The following CBLB variants were observed in gnomAD, a reference collection of about 807,000 sequenced individuals.
CBLB encodes the protein Cbl proto-oncogene B, also known as E3 ubiquitin-protein ligase CBL-B.
In CBLB, 31 loss-of-function variants were observed where a neutral mutation model predicts 104.9. That is an observed-to-expected ratio of 0.30 (90% CI 0.22 to 0.40). The LOEUF is 0.40. Ranked by LOEUF, CBLB falls within the 10% of genes least tolerant of loss-of-function variation. The pLI, the probability that CBLB is intolerant of heterozygous loss-of-function variation, is 1.00. For synonymous variants in CBLB, 440 were observed against 422.6 expected (o/e 1.04, Z -0.51); for missense variants, 1,062 against 1,214.6 (o/e 0.87, Z 1.87).
At chr3:105,758,857 G>C (rs2077325252) in intron 4 of CBLB, among the ~76,000 whole-genome samples, 1 of 152,224 alleles carries the variant, frequency 6.6e-6, no homozygotes, top group African/African-American at 2.4e-5. Context: ...CTCCCAAATG[G>C]GGCTTCACAG....
intron 18 of CBLB, among the ~76,000 whole-genome samples, chr3:105,665,432 TATATATATATACAC>T (rs375273427): frequency 0.058 from 7,526 of 129,554 alleles, 425 homozygotes; most frequent in Admixed American, 0.15. Context: ...TATATATATA[TATATATATATACAC>T]ACACACACAC....
rs145259495 is a variant in CBLB at position 105,795,623 on chromosome 3, G to A, written c.420-19081C>T. Among the ~76,000 whole-genome samples the A allele has an allele frequency of 1.9e-3, 286 of 152,246 alleles. 2 individuals carry two copies. In the Middle Eastern group the frequency reaches 0.031, roughly 16 times the overall value. On this transcript the variant is annotated intron_variant, in intron 3 of 18. Coordinates refer to ENST00000394030, the MANE Select transcript of CBLB (RefSeq NM_170662.5). ...CCTCTACTTTCTGTCAAAACTTGTC[G>A]CCCAAAGCTCAATGTGAAATAGCCG...
chr3:105,779,742 TATC>T (rs2079935706), intron 3 of CBLB, among the ~76,000 whole-genome samples: 2 of 152,310 alleles, frequency 1.3e-5, no homozygotes, highest in South Asian at 4.1e-4. Context: ...TTAAATTTGT[TATC>T]ATAGAAAATA....
chr3:105,761,795 G>A (rs1245326474), intron 4 of CBLB, among the ~76,000 whole-genome samples: 1 of 152,206 alleles, frequency 6.6e-6, no homozygotes, highest in Admixed American at 6.5e-5. Flanking sequence ...CTGGATAACA[G>A]GGAGAGGTTG....
chr3:105,701,943 G>A, intron 12 of CBLB, 151 bp downstream of exon 12: 1 of 820,302 alleles, frequency 1.2e-6, no homozygotes, highest in South Asian at 1.6e-5. Context: ...GTTTTAATGA[G>A]CTTCTGATTA....
At chr3:105,684,344 CA>C (rs2066723410) in intron 14 of CBLB, among the ~76,000 whole-genome samples, 1 of 152,120 alleles carries the variant, frequency 6.6e-6, no homozygotes, top group African/African-American at 2.4e-5. Context: ...CAAACAAACC[CA>C]GAAATAATAG....
At chr3:105,670,127 G>T in intron 18 of CBLB, 106 bp downstream of exon 18, 1 of 1,003,858 alleles carries the variant, frequency 1.0e-6, no homozygotes, top group Non-Finnish European at 1.5e-6. Context: ...ACTTTCTTGG[G>T]TGGACAACAT....
chr3:105,751,513 G>C lies in CBLB; in HGVS notation c.672C>G (p.Cys224Trp). Residue 224 changes from cysteine (C) to tryptophan (W), a missense_variant, in exon 5 of 19, where the codon TGC (cysteine) becomes TGG (tryptophan). Cys to Trp is a radical substitution (Grantham distance 215). Coordinates refer to ENST00000394030, the MANE Select transcript of CBLB (RefSeq NM_170662.5). ...MALKSTIDLT[C>W]NDYISVFEFD... ...ATTCAAAAACTGAAATGTAATCATT[G>C]CAAGTTAAATCAATTGTTGATTTTA... 1 of 1,610,602 alleles carries C rather than the reference G, an allele frequency of 6.2e-7. No individual in the cohort carries two copies. The highest frequency in any genetic ancestry group is 8.5e-7 in the Non-Finnish European group (1 of 1,176,996).
intron 12 of CBLB, among the ~76,000 whole-genome samples, chr3:105,698,436 A>G (rs1244457024): frequency 6.6e-6 from 1 of 152,034 alleles, no homozygotes; most frequent in Non-Finnish European, 1.5e-5. Context: ...TTGACAGGGT[A>G]TTGACTTTTA....
intron 8 of CBLB, 141 bp from the exon 9 acceptor site, chr3:105,734,281 T>C (rs990411522): frequency 4.9e-6 from 4 of 817,126 alleles, no homozygotes; most frequent in African/African-American, 1.7e-5. Flanking sequence ...ATTTGAGACA[T>C]GTTTTGAATT....
At position 105,708,706 on chromosome 3, in the gene CBLB, G is replaced by T. The variant is rs74463604; in HGVS notation, c.1408-4533C>A. Among the ~76,000 whole-genome samples, 940 of 151,980 alleles carry T rather than the reference G, an allele frequency of 6.2e-3. 31 individuals carry two copies. The highest frequency in any genetic ancestry group is 0.051 in the East Asian group (262 of 5,182). On this transcript the variant is annotated intron_variant, in intron 10 of 18. Transcript: ENST00000394030. ...TTGAAAATGTCACCACCTATTGGTG[G>T]TGTTATCTGTAGATTAAAGAATAAA...
chr3:105,771,206 G>C lies in CBLB; in HGVS notation c.566+5190C>G, dbSNP rs571402784. Among the ~76,000 whole-genome samples the C allele has an allele frequency of 1.5e-4, 23 of 152,132 alleles. No homozygotes were observed. In the South Asian group the frequency reaches 4.4e-3, roughly 29 times the overall value. On this transcript the variant is annotated intron_variant, in intron 4 of 18. Coordinates refer to ENST00000394030, the MANE Select transcript of CBLB (RefSeq NM_170662.5). ...AAAAACTAATACATCACAATCAAGT[G>C]GGTTTCAGAGATACAAGGACAGTTT...
intron 13 of CBLB, among the ~76,000 whole-genome samples, chr3:105,688,783 T>C (rs773134861): frequency 6.6e-5 from 10 of 152,214 alleles, no homozygotes; most frequent in African/African-American, 9.6e-5. Flanking sequence ...AATTTTATCA[T>C]ATACATGCTA....
At chr3:105,829,081 TTTG>T (rs2087024424) in intron 3 of CBLB, among the ~76,000 whole-genome samples, 1 of 151,822 alleles carries the variant, frequency 6.6e-6, no homozygotes, top group African/African-American at 2.4e-5. Context: ...AACAATCAAT[TTTG>T]TTTTTTTAAT....
At chr3:105,719,961 C>T in intron 10 of CBLB, 86 bp downstream of exon 10, 3 of 1,023,962 alleles carry the variant, frequency 2.9e-6, no homozygotes, top group South Asian at 1.3e-5. Context: ...AACTCAAATA[C>T]GCTGAGTCAT....
chr3:105,851,665 C>A (rs1018503853), intron 3 of CBLB, among the ~76,000 whole-genome samples: 1 of 152,074 alleles, frequency 6.6e-6, no homozygotes, highest in Non-Finnish European at 1.5e-5. Context: ...TTCCTGTAAA[C>A]CTAAAATGAC....
chr3:105,761,661 A>G (rs1247743677), intron 4 of CBLB, among the ~76,000 whole-genome samples: 2 of 152,198 alleles, frequency 1.3e-5, no homozygotes, highest in African/African-American at 2.4e-5. Flanking sequence ...TTTTCTTTAT[A>G]AATTACCCAA....
At chr3:105,740,289 TG>T (rs1241914969) in intron 7 of CBLB, among the ~76,000 whole-genome samples, 41 of 152,332 alleles carry the variant, frequency 2.7e-4, no homozygotes, top group African/African-American at 9.6e-4. Flanking sequence ...GAAGTTGAAA[TG>T]TATTTGCTAT....
intron 2 of CBLB, among the ~76,000 whole-genome samples, chr3:105,858,848 T>G (rs567256799): frequency 6.6e-6 from 1 of 152,184 alleles, no homozygotes; most frequent in Non-Finnish European, 1.5e-5. Context: ...CTGAGTTTTG[T>G]ATTTGCTTAA....
Sources: gnomAD v4.1 joint callset for allele counts (sites outside exome capture counted in the v4.1 genomes callset) on GRCh38, gnomAD v4.1.1 for gene constraint, MANE v1.5 for transcripts, NCBI Gene and HGNC (gene_info 2026-07-23, HGNC 2026-07-21) for gene names.